Variants in PRDM9 observed in about 807,000 individuals in gnomAD.
The protein encoded by PRDM9 is histone-lysine N-methyltransferase PRDM9.
PRDM9 carries 47 observed loss-of-function variants against 55.6 expected under a neutral mutation model. The ratio of observed to expected loss-of-function variants is 0.85; its 90% CI spans 0.67 to 1.08. The LOEUF is 1.08. Ranked by LOEUF, PRDM9 falls within the 50% of genes least tolerant of loss-of-function variation. The pLI is 0.00. For synonymous variants in PRDM9, 312 were observed against 375.7 expected (o/e 0.83, Z 1.96); for missense variants, 867 against 1,040.3 (o/e 0.83, Z 2.29).
At chr5:23,517,159 A>C (rs1394254152) in intron 4 of PRDM9, among the ~76,000 whole-genome samples, 1 of 150,056 alleles carries the variant, frequency 6.7e-6, no homozygotes, top group African/African-American at 2.4e-5. Flanking sequence ...TCTCAAAAAA[A>C]AAAAAAAAAA....
rs879146332 is a variant in PRDM9, at chr5:23,521,165, C to G, written c.494C>G (p.Ser165Ter). ...GAAGCAAGTACCTCTGGACAGCACT[C>G]AAGACTAAAACTGGGTAAGAAAAAA... ...SGEASTSGQH[S>*]RLKLELRKKE... Residue 165 changes from serine (S) to a stop codon, truncating the protein, a stop_gained, in exon 6 of 11, where the codon TCA becomes TGA. Coordinates refer to ENST00000296682, the MANE Select transcript of PRDM9 (RefSeq NM_020227.4). LOFTEE classifies it high-confidence loss of function. 11 of 1,613,214 alleles carry G rather than the reference C, an allele frequency of 6.8e-6. No homozygotes were observed. The highest frequency in any genetic ancestry group is 9.3e-6 in the Non-Finnish European group (11 of 1,180,036).
intron 10 of PRDM9, among the ~76,000 whole-genome samples, 192 bp downstream of exon 10, chr5:23,524,719 T>G (rs1221880795): frequency 8.5e-5 from 13 of 152,220 alleles, no homozygotes; most frequent in Admixed American, 8.5e-4. Flanking sequence ...TTTTTAAATC[T>G]TTGTTCTGAT....
At chr5:23,512,590 A>C (rs1739120017) in intron 4 of PRDM9, among the ~76,000 whole-genome samples, 1 of 152,220 alleles carries the variant, frequency 6.6e-6, no homozygotes, top group Non-Finnish European at 1.5e-5. Context: ...ATCTGAACTC[A>C]GTTAAAATCC....
intron 8 of PRDM9, among the ~76,000 whole-genome samples, 178 bp downstream of exon 8, chr5:23,523,063 G>A (rs1190734528): frequency 6.6e-6 from 1 of 152,202 alleles, no homozygotes; most frequent in African/African-American, 2.4e-5. Context: ...TTACATGGGA[G>A]CAGAGTGGTA....
chr5:23,518,218 G>T (rs1250310911), intron 5 of PRDM9, among the ~76,000 whole-genome samples: 1 of 152,132 alleles, frequency 6.6e-6, no homozygotes, highest in Non-Finnish European at 1.5e-5. Context: ...CTATTAAGTA[G>T]ATGTTGTAAC....
Position 23,508,953 on chromosome 5 carries a change from C to A in PRDM9, c.-81C>A. ...TCAGCACCTTCTCCTTCCACAGGAG[C>A]CTTTGGCCTAGGAGCTGGGAGACTC... On this transcript the variant is annotated 5_prime_UTR_variant, in exon 2 of 11. Transcript: ENST00000296682. 1.3e-6 allele frequency: 2 copies of A among 1,524,148 alleles called. No individual in the cohort carries two copies. The highest frequency in any genetic ancestry group is 1.2e-5 in the South Asian group (1 of 86,834). 94.4% of individuals were successfully genotyped at this position (1,524,148 alleles called of 1,614,324 possible).
In PRDM9 at chr5:23,509,995, A is replaced by T. The variant is rs1280174743; in HGVS notation, c.269A>T (p.Asp90Val). ...AIKLQVDDTE[D>V]SDEEWTPRQQ... ...AAACTCCAGGTGGATGACACAGAAG[A>T]TTCTGATGAAGAATGGACCCCTAGG... is the stretch of plus-strand genomic sequence containing the variant. Residue 90 changes from aspartate (D) to valine (V), a missense_variant, in exon 4 of 11, where the codon GAT becomes GTT. By Grantham distance (152) the Asp-to-Val change is radical. Coordinates refer to ENST00000296682, the MANE Select transcript of PRDM9 (RefSeq NM_020227.4). 1.2e-6 allele frequency: 2 copies of T among 1,610,912 alleles called. No individual in the cohort carries two copies. Among genetic ancestry groups the T allele is most frequent in the Non-Finnish European group, 8.5e-7 (1 of 1,178,218 alleles).
At position 23,527,573 on chromosome 5, in the gene PRDM9, G is replaced by A. The variant is rs368267362; in HGVS notation, c.2485G>A (p.Glu829Lys). The change falls in exon 11 of 11, where the codon GAG (glutamate) becomes AAG (lysine). Residue 829 changes from glutamate (E) to lysine (K), a missense_variant. Glu to Lys is a moderately conservative substitution (Grantham distance 56). This residue lies in a region of PRDM9 where 92 missense variants were observed against 185.7 expected (regional missense o/e 0.50). Coordinates refer to ENST00000296682, the MANE Select transcript of PRDM9 (RefSeq NM_020227.4). ...CAGACACCAGAGGACACACACAGGG[G>A]AGAAGCCCTATGTCTGCAGGGAGTG... ...LLRHQRTHTGEKPYVCRECGR... is the reference protein window; with the variant it reads ...LLRHQRTHTGKKPYVCRECGR... 1.2e-4 allele frequency: 185 copies of A among 1,577,096 alleles called. No homozygotes were observed. The highest frequency in any genetic ancestry group is 1.3e-4 in the Non-Finnish European group (147 of 1,168,970).
In PRDM9 at chr5:23,522,604, T is replaced by C. The variant is rs1739352776; in HGVS notation, c.611-10T>C. On this transcript the variant is annotated splice_polypyrimidine_tract_variant and intron_variant, in intron 7 of 10. Transcript: ENST00000296682. ...ACAACTTTCCTAATCTCTGCTTCCC[T>C]CACTTCCAGATTGTGAGATGTGTCA... 1 of 1,614,242 alleles carries C rather than the reference T, an allele frequency of 6.2e-7. No individual in the cohort carries two copies. The highest frequency in any genetic ancestry group is 1.3e-5 in the African/African-American group (1 of 75,072).
rs1225378970 is a variant in PRDM9, at chr5:23,527,686, G to T, written c.2598G>T (p.Gly866=). ...GEKPYVCREC[G]RGFSDRSSLC... ...AGCCCTACGTCTGCAGGGAGTGTGGGCGGGGCTTTAGCGATAGGTCAAGCC... is the reference window on the plus strand; with the variant it reads ...AGCCCTACGTCTGCAGGGAGTGTGGTCGGGGCTTTAGCGATAGGTCAAGCC... The change falls in exon 11 of 11, where the codon GGG becomes GGT. Residue 866 remains glycine, a synonymous_variant. Transcript: ENST00000296682. 1.3e-6 allele frequency: 2 copies of T among 1,587,602 alleles called. No homozygotes were observed. Among genetic ancestry groups the T allele is most frequent in the Admixed American group, 1.7e-5 (1 of 57,576 alleles).
chr5:23,526,827 A>T lies in PRDM9; in HGVS notation c.1739A>T (p.Tyr580Phe), dbSNP rs1325219491. ...HQRIHTGEKP[Y>F]VCRECGRGFS... ...AGGATACACACAGGGGAGAAGCCCT[A>T]TGTCTGCAGGGAGTGTGGGCGGGGC... is the stretch of plus-strand genomic sequence containing the variant. The change falls in exon 11 of 11, where the codon TAT becomes TTT. Residue 580 changes from tyrosine to phenylalanine, a missense_variant. Tyr to Phe is a conservative substitution (Grantham distance 22). Around this residue, in one of 5 missense-constraint regions of PRDM9, gnomAD observed 662 missense variants for 711.9 expected, o/e 0.93. Coordinates refer to ENST00000296682, the MANE Select transcript of PRDM9 (RefSeq NM_020227.4). 2 of 1,589,250 alleles carry T rather than the reference A, an allele frequency of 1.3e-6. No homozygotes were observed. The highest frequency in any genetic ancestry group is 1.4e-5 in the African/African-American group (1 of 72,424).
intron 10 of PRDM9, 127 bp from the exon 11 acceptor site, chr5:23,526,106 C>G (rs1739422824): frequency 8.6e-7 from 1 of 1,156,214 alleles, no homozygotes; most frequent in Non-Finnish European, 1.3e-6. Context: ...CCATCCAGCA[C>G]TTGGTGGGAA....
intron 10 of PRDM9, among the ~76,000 whole-genome samples, chr5:23,525,966 T>C (rs978143097): frequency 2.0e-5 from 3 of 152,094 alleles, no homozygotes; most frequent in Non-Finnish European, 2.9e-5. Flanking sequence ...ATGTAAGGAA[T>C]GACACTGCCC....
chr5:23,517,172 G>T (rs1213651147), intron 4 of PRDM9, among the ~76,000 whole-genome samples: 2 of 142,196 alleles, frequency 1.4e-5, no homozygotes, highest in South Asian at 2.3e-4. Context: ...AAAAAAAAAA[G>T]GTTGGGGGGG....
chr5:23,523,259 A>C lies in PRDM9; in HGVS notation c.883-32A>C, dbSNP rs544777358. On this transcript the variant is annotated intron_variant, in intron 8 of 10. Transcript: ENST00000296682. ...TAATTCTTCTGATTTTTACCCTCTAAAAAGCCTTTGCCTTGTTTTTCTGAA... is the reference window on the plus strand; with the variant it reads ...TAATTCTTCTGATTTTTACCCTCTACAAAGCCTTTGCCTTGTTTTTCTGAA... 1.4e-5 allele frequency: 22 copies of C among 1,599,660 alleles called. No individual in the cohort carries two copies. The East Asian group carries it at 4.9e-4, about 36-fold the overall frequency.
chr5:23,527,272 CT>C lies in PRDM9; in HGVS notation c.2187del (p.Phe729LeufsTer210), dbSNP rs753899121. On this transcript the variant is annotated frameshift_variant, in exon 11 of 11. Transcript: ENST00000296682. LOFTEE classifies it low-confidence loss of function (END_TRUNC). Reference sequence around the variant, plus strand: ...ATGTCTGCAGGGAGTGTGGGCGGGGCTTTAGCAATAAGTCACACCTCCTCAG... The same window carrying C: ...ATGTCTGCAGGGAGTGTGGGCGGGGCTTAGCAATAAGTCACACCTCCTCAG... ...PYVCRECGRG[F>X]SNKSHLLRHQ... 6.5e-7 allele frequency: 1 copy of C among 1,539,586 alleles called. No individual in the cohort carries two copies. Among genetic ancestry groups the C allele is most frequent in the East Asian group, 2.5e-5 (1 of 39,750 alleles).
chr5:23,510,050 T>A (rs1241126371), intron 4 of PRDM9, 23 bp downstream of exon 4: 3 of 77,842 alleles, frequency 3.9e-5, no homozygotes, highest in African/African-American at 4.2e-4. Flanking sequence ...GGAAGTAGGA[T>A]TTTTTTTTTT....
At chr5:23,523,184 G>A in intron 8 of PRDM9, 107 bp from the exon 9 acceptor site, 1 of 1,330,254 alleles carries the variant, frequency 7.5e-7, no homozygotes, top group East Asian at 2.3e-5. Flanking sequence ...GTCTCAATTG[G>A]CAGCTGAAGC....
chr5:23,526,315 C>T lies in PRDM9; in HGVS notation c.1227C>T (p.Arg409=). The part of the protein sequence containing the change: ...SQKFLSQHVE[R]NHSSQNFPGP... ...AATTTCTCAGTCAACATGTAGAACG[C>T]AATCACTCCTCTCAGAACTTCCCAG... The change falls in exon 11 of 11, where the codon CGC becomes CGT. Residue 409 remains arginine (R), a synonymous_variant. Transcript: ENST00000296682. The T allele has an allele frequency of 6.2e-7, 1 of 1,614,152 alleles. No individual in the cohort carries two copies. The highest frequency in any genetic ancestry group is 1.1e-5 in the South Asian group (1 of 91,078).
Sources: allele counts gnomAD v4.1 joint callset (sites outside exome capture counted in the v4.1 genomes callset), GRCh38; gene constraint gnomAD v4.1.1; regional missense constraint gnomAD v4.1.1; transcripts MANE v1.5; gene names NCBI Gene and HGNC (gene_info 2026-07-23, HGNC 2026-07-21).